Variants in SCN2A observed in about 807,000 individuals in gnomAD.
SCN2A encodes the protein sodium voltage-gated channel alpha subunit 2.
Under a neutral mutation model 188.7 loss-of-function variants are expected in SCN2A, and 20 were observed. The ratio of observed to expected loss-of-function variants is 0.11; its 90% CI spans 0.07 to 0.15. The LOEUF (loss-of-function observed/expected upper bound fraction) is 0.15. Ranked by LOEUF, SCN2A falls within the 10% of genes least tolerant of loss-of-function variation. The probability of loss-of-function intolerance (pLI) is 1.00; values close to 1 mark genes in which losing one functional copy is unlikely to be tolerated. For missense variants in SCN2A, 1,278 were observed against 2,445.0 expected (o/e 0.52, Z 10.07); for synonymous variants, 804 against 833.1 (o/e 0.97, Z 0.60).
chr2:165,382,030 A>G (rs1701630042), intron 25 of SCN2A, among the ~76,000 whole-genome samples: 1 of 152,088 alleles, frequency 6.6e-6, no homozygotes, highest in South Asian at 2.1e-4. Context: ...GAAAATGGAT[A>G]GCTATATTGG....
intron 20 of SCN2A, chr2:165,371,151 A>G (rs557775699): frequency 1.3e-5 from 2 of 152,326 alleles, no homozygotes; most frequent in Admixed American, 6.5e-5. Flanking sequence ...CTGATACTTG[A>G]TATATCTATG....
Position 165,277,003 on chromosome 2 carries a change from A to G in SCN2A, c.-51-18770A>G, listed in dbSNP as rs182071334. Among the ~76,000 whole-genome samples the G allele has an allele frequency of 7.0e-3, 1,062 of 152,270 alleles. 23 individuals carry two copies. Among genetic ancestry groups the G allele is most frequent in the African/African-American group, 0.025 (1,022 of 41,556 alleles). Reference sequence around the variant, plus strand: ...ATCCTGGCTAACATGGTGAAACCCCATCTCTACTAAAAATACAAAAAATTA... The same window carrying G: ...ATCCTGGCTAACATGGTGAAACCCCGTCTCTACTAAAAATACAAAAAATTA... On this transcript the variant is annotated intron_variant, in intron 1 of 26. Transcript: ENST00000375437.
At chr2:165,303,270 GTTTT>G (rs71028477) in intron 3 of SCN2A, among the ~76,000 whole-genome samples, 17 of 91,310 alleles carry the variant, frequency 1.9e-4, no homozygotes, top group Middle Eastern at 5.7e-3. Context: ...TGTTATTTGA[GTTTT>G]TTTTTTTTTT....
At chr2:165,346,533 G>T (rs935346086) in intron 16 of SCN2A, among the ~76,000 whole-genome samples, 1 of 152,104 alleles carries the variant, frequency 6.6e-6, no homozygotes, top group African/African-American at 2.4e-5. Context: ...TACCATTCAG[G>T]ACATTGGCAT....
chr2:165,250,470 G>T (rs371806760), intron 1 of SCN2A, among the ~76,000 whole-genome samples: 1 of 146,058 alleles, frequency 6.8e-6, no homozygotes, highest in Admixed American at 7.1e-5. Context: ...TTAGGGAAAC[G>T]GTGCCCTCTT....
chr2:165,321,448 G>C (rs557031386), intron 11 of SCN2A, among the ~76,000 whole-genome samples: 2 of 152,212 alleles, frequency 1.3e-5, no homozygotes, highest in African/African-American at 4.8e-5. Context: ...TCCCACTCCT[G>C]GTATCAATTT....
At chr2:165,365,410 A>G (rs1700674604) in intron 18 of SCN2A, 147 bp downstream of exon 18, 1 of 837,518 alleles carries the variant, frequency 1.2e-6, no homozygotes, top group South Asian at 2.4e-5. Flanking sequence ...GTAATCATCT[A>G]TACCTATCCA....
intron 25 of SCN2A, among the ~76,000 whole-genome samples, chr2:165,385,344 C>T (rs1399672815): frequency 6.6e-6 from 1 of 152,066 alleles, no homozygotes; most frequent in Non-Finnish European, 1.5e-5. Flanking sequence ...ACCTGAGAAA[C>T]AAAGCAGATA....
At position 165,391,219 on chromosome 2, in the gene SCN2A, A is replaced by C. The variant is rs1232234844; in HGVS notation, c.*1395A>C. 2.0e-5 allele frequency: 3 copies of C among 152,552 alleles called. No homozygotes were observed. Among genetic ancestry groups the C allele is most frequent in the Non-Finnish European group, 2.9e-5 (2 of 68,000 alleles). 9.4% of individuals were successfully genotyped at this position (152,552 alleles called of 1,614,324 possible). ...ACCTCATTCTTCATGTCATTAAGCAATAGGTTGCAGCAAACAAGGAAGAGC... is the reference window on the plus strand; with the variant it reads ...ACCTCATTCTTCATGTCATTAAGCACTAGGTTGCAGCAAACAAGGAAGAGC... On this transcript the variant is annotated 3_prime_UTR_variant, in exon 27 of 27. Coordinates refer to ENST00000375437, the MANE Select transcript of SCN2A (RefSeq NM_001040142.2).
chr2:165,380,863 C>T (rs992949291), intron 24 of SCN2A, 134 bp downstream of exon 24: 7 of 814,730 alleles, frequency 8.6e-6, no homozygotes, highest in Admixed American at 2.7e-5. Context: ...ATTTGATAAT[C>T]GATAAGCTTT....
intron 11 of SCN2A, 123 bp from the exon 12 acceptor site, chr2:165,323,033 T>C: frequency 2.1e-6 from 2 of 932,486 alleles, no homozygotes; most frequent in Non-Finnish European, 3.2e-6. Flanking sequence ...TTCTTCCACA[T>C]GTCCAATGAC....
intron 1 of SCN2A, among the ~76,000 whole-genome samples, chr2:165,246,004 C>G (rs1693828681): frequency 6.6e-6 from 1 of 152,106 alleles, no homozygotes; most frequent in African/African-American, 2.4e-5. Flanking sequence ...AATGATGTCA[C>G]TCCAATAATG....
chr2:165,292,986 T>C (rs1249135785), intron 1 of SCN2A, among the ~76,000 whole-genome samples: 1 of 152,256 alleles, frequency 6.6e-6, no homozygotes, highest in Non-Finnish European at 1.5e-5. Context: ...TTATCAGTTC[T>C]TTTTTCTGGT....
chr2:165,296,914 A>G (rs888896288), intron 2 of SCN2A, 103 bp from the exon 3 acceptor site: 5 of 697,092 alleles, frequency 7.2e-6, no homozygotes, highest in South Asian at 7.0e-5. Flanking sequence ...GTTATACACT[A>G]TTTTACAGGG....
intron 9 of SCN2A, 53 bp downstream of exon 9, chr2:165,313,814 A>G: frequency 6.2e-7 from 1 of 1,612,668 alleles, no homozygotes; most frequent in Non-Finnish European, 8.5e-7. Flanking sequence ...CGAACTCAAG[A>G]GAATTGCTGT....
intron 25 of SCN2A, among the ~76,000 whole-genome samples, chr2:165,382,671 A>G (rs1407523439): frequency 6.6e-6 from 1 of 152,146 alleles, no homozygotes; most frequent in Non-Finnish European, 1.5e-5. Context: ...AATCTAAAAT[A>G]TAAGCTAGTT....
intron 1 of SCN2A, among the ~76,000 whole-genome samples, chr2:165,275,736 T>C (rs1695306096): frequency 6.6e-6 from 1 of 152,088 alleles, no homozygotes; most frequent in Non-Finnish European, 1.5e-5. Context: ...ACTTGAGTTA[T>C]ACCCTTTTTT....
Position 165,389,999 on chromosome 2 carries a change from C to T in SCN2A, c.*175C>T. 1 of 998,526 alleles carries T rather than the reference C, an allele frequency of 1.0e-6. No homozygotes were observed. Among genetic ancestry groups the T allele is most frequent in the Non-Finnish European group, 1.4e-6 (1 of 704,674 alleles). The allele number at this position is 998,526 out of a possible 1,614,324, so 61.9% of individuals were successfully genotyped here. On this transcript the variant is annotated 3_prime_UTR_variant, in exon 27 of 27. Coordinates refer to ENST00000375437, the MANE Select transcript of SCN2A (RefSeq NM_001040142.2). The surrounding 1 kb of genome is among the most constrained non-coding windows in gnomAD (Gnocchi z 4.2). ...GAGACCTCTGGTCAGCAAACTGGAA[C>T]TCAGTAAACTGGAGAAATAGTATCG...
intron 22 of SCN2A, 99 bp from the exon 23 acceptor site, chr2:165,377,498 T>A: frequency 9.8e-7 from 1 of 1,022,966 alleles, no homozygotes; most frequent in Non-Finnish European, 1.5e-6. Context: ...TATATGCCTG[T>A]ATTGAATACA....
Sources: gnomAD v4.1 joint callset for allele counts (sites outside exome capture counted in the v4.1 genomes callset) on GRCh38, gnomAD v4.1.1 for gene constraint, Gnocchi (gnomAD v3.1) non-coding constraint, MANE v1.5 for transcripts, NCBI Gene and HGNC (gene_info 2026-07-23, HGNC 2026-07-21) for gene names.